PXDNL: variants seen among roughly 807,000 people sequenced by gnomAD.
The protein encoded by PXDNL is peroxidasin like.
In PXDNL, 145 loss-of-function variants were observed where a neutral mutation model predicts 150.8. The ratio of observed to expected loss-of-function variants is 0.96; its 90% confidence interval spans 0.84 to 1.10. The LOEUF is 1.10. Among genes scored for constraint, PXDNL ranks in the 50% least tolerant of loss-of-function variants. The pLI, the probability that PXDNL is intolerant of heterozygous loss-of-function variation, is 0.00. For missense variants in PXDNL, 2,087 were observed against 1,873.9 expected (o/e 1.11, Z -2.10); for synonymous variants, 757 against 725.7 (o/e 1.04, Z -0.69).
At chr8:51,507,925 G>T (rs559973056) in intron 4 of PXDNL, among the ~76,000 whole-genome samples, 2 of 152,290 alleles carry the variant, frequency 1.3e-5, no homozygotes, top group East Asian at 3.9e-4. Flanking sequence ...TTTTCTGAGC[G>T]GGAAGGAGTG....
chr8:51,474,548 G>A (rs988241909), intron 7 of PXDNL, among the ~76,000 whole-genome samples: 9 of 152,082 alleles, frequency 5.9e-5, no homozygotes, highest in African/African-American at 1.9e-4. Context: ...ATCAATTACT[G>A]AATTTGTTGA....
intron 18 of PXDNL, among the ~76,000 whole-genome samples, chr8:51,373,012 G>T (rs1807173896): frequency 6.6e-6 from 1 of 152,178 alleles, no homozygotes; most frequent in African/African-American, 2.4e-5. Context: ...TAGGCAAAAA[G>T]ACTTCTTGCC....
At chr8:51,795,672 T>TA (rs1190228861) in intron 1 of PXDNL, among the ~76,000 whole-genome samples, 4 of 152,286 alleles carry the variant, frequency 2.6e-5, no homozygotes, top group African/African-American at 2.4e-5. Context: ...TTTATAGCAC[T>TA]AAATGCCCAA....
At position 51,457,777 on chromosome 8, in the gene PXDNL, T is replaced by C. The variant is rs1809969283; in HGVS notation, c.813-110A>G. 7 of 697,530 alleles carry C rather than the reference T, an allele frequency of 1.0e-5. No homozygotes were observed. In the South Asian group the frequency reaches 2.1e-4, roughly 21 times the overall value. 43.2% of individuals were successfully genotyped at this position (697,530 alleles called of 1,614,324 possible). A position where few individuals can be genotyped will look rare whatever the true frequency, so the allele number is the denominator to read the frequency against. ...AGCTATGTTTCATGTCTACCAAATT[T>C]GTTAAATTTATTTTATCTGAATAAT... is the stretch of plus-strand genomic sequence containing the variant. On this transcript the variant is annotated intron_variant, in intron 8 of 22. Coordinates refer to ENST00000356297, the MANE Select transcript of PXDNL (RefSeq NM_144651.5).
At chr8:51,704,776 T>A (rs1002011646) in intron 1 of PXDNL, among the ~76,000 whole-genome samples, 2 of 152,232 alleles carry the variant, frequency 1.3e-5, no homozygotes, top group African/African-American at 2.4e-5. Context: ...ATGAATGTGA[T>A]CACTTACATA....
At chr8:51,730,429 T>C (rs1816896597) in intron 1 of PXDNL, among the ~76,000 whole-genome samples, 1 of 152,236 alleles carries the variant, frequency 6.6e-6, no homozygotes, top group Non-Finnish European at 1.5e-5. Flanking sequence ...GTCATCAAAC[T>C]ATAAGCCTTA....
intron 1 of PXDNL, among the ~76,000 whole-genome samples, chr8:51,789,176 T>C (rs923869809): frequency 6.6e-6 from 1 of 151,860 alleles, no homozygotes; most frequent in African/African-American, 2.4e-5. Context: ...GGCCTATAGT[T>C]TTCTCTCCTC....
intron 4 of PXDNL, among the ~76,000 whole-genome samples, chr8:51,548,748 C>A (rs1812418038): frequency 6.6e-6 from 1 of 152,032 alleles, no homozygotes. Context: ...CTCATAGGAC[C>A]TATAAAACAT....
In PXDNL at chr8:51,407,300, GC is replaced by G. The variant is rs779946918; in HGVS notation, c.3557+766del. Reference sequence around the variant, plus strand: ...TATAGCCTTAGTTTTGCAAAGAAAGGCCTAATCTTGACAATTGGCTATAGAA... The same window carrying G: ...TATAGCCTTAGTTTTGCAAAGAAAGGCTAATCTTGACAATTGGCTATAGAA... On this transcript the variant is annotated intron_variant, in intron 17 of 22. Coordinates refer to ENST00000356297, the MANE Select transcript of PXDNL (RefSeq NM_144651.5). 8.7e-4 allele frequency among the ~76,000 whole-genome samples: 132 copies of G among 152,160 alleles called. 1 individual carries two copies. The Middle Eastern group carries it at 0.014, about 16-fold the overall frequency.
In PXDNL at chr8:51,736,295, T is replaced by A. The variant is rs922116530; in HGVS notation, c.164+72886A>T. Among the ~76,000 whole-genome samples the A allele has an allele frequency of 2.0e-5, 3 of 152,160 alleles. No homozygotes were observed. In the South Asian group the frequency reaches 6.2e-4, roughly 32 times the overall value. On this transcript the variant is annotated intron_variant, in intron 1 of 22. Transcript: ENST00000356297. ...CATAGACCTAAGACAGAAAATAAAT[T>A]TTTTATGTGAGGAATGTGAACCTCT...
At chr8:51,387,726 G>A (rs776084757) in intron 17 of PXDNL, among the ~76,000 whole-genome samples, 19 of 151,974 alleles carry the variant, frequency 1.3e-4, no homozygotes, top group African/African-American at 4.4e-4. Flanking sequence ...TTTCAAAACC[G>A]CTAAAAATGT....
intron 4 of PXDNL, among the ~76,000 whole-genome samples, chr8:51,515,129 C>G (rs1038670100): frequency 3.7e-4 from 56 of 152,168 alleles, no homozygotes; most frequent in Admixed American, 2.9e-3. Flanking sequence ...AGTGTTGAAG[C>G]CCCCAGGTGG....
intron 1 of PXDNL, among the ~76,000 whole-genome samples, chr8:51,780,301 A>G (rs147650238): frequency 6.6e-6 from 1 of 152,294 alleles, no homozygotes; most frequent in African/African-American, 2.4e-5. Flanking sequence ...TGCACAATAA[A>G]GTTTGAGGGA....
At chr8:51,762,454 G>T (rs930626836) in intron 1 of PXDNL, among the ~76,000 whole-genome samples, 1 of 152,116 alleles carries the variant, frequency 6.6e-6, no homozygotes, top group African/African-American at 2.4e-5. Flanking sequence ...ACAACCTGCT[G>T]CTCTCTCTGA....
chr8:51,623,987 G>T (rs1273689798), intron 2 of PXDNL, among the ~76,000 whole-genome samples: 1 of 150,536 alleles, frequency 6.6e-6, no homozygotes, highest in African/African-American at 2.4e-5. Flanking sequence ...CAGCTACTTG[G>T]GAAGCTGAGG....
intron 3 of PXDNL, among the ~76,000 whole-genome samples, chr8:51,590,725 GT>G (rs138678908): frequency 2.6e-5 from 4 of 151,182 alleles, no homozygotes; most frequent in Non-Finnish European, 4.4e-5. Flanking sequence ...TAGATATCTT[GT>G]TTTTTTTTAT....
intron 17 of PXDNL, among the ~76,000 whole-genome samples, chr8:51,398,995 G>GAT (rs555185814): frequency 4.6e-4 from 70 of 152,212 alleles, no homozygotes; most frequent in Admixed American, 3.1e-3. Flanking sequence ...AATTTCACTT[G>GAT]ATATATATAA....
In PXDNL at chr8:51,669,137, C is replaced by T. The variant is rs145057482; in HGVS notation, c.165-14377G>A. 2.0e-5 allele frequency among the ~76,000 whole-genome samples: 3 copies of T among 152,218 alleles called. No homozygotes were observed. In the East Asian group the frequency reaches 5.8e-4, roughly 29 times the overall value. On this transcript the variant is annotated intron_variant, in intron 1 of 22. Coordinates refer to ENST00000356297, the MANE Select transcript of PXDNL (RefSeq NM_144651.5). ...TATTTTCTTTCAGGTGAACTAAAAACAATTATTTCAACATTATGCTGAAAG... is the reference window on the plus strand; with the variant it reads ...TATTTTCTTTCAGGTGAACTAAAAATAATTATTTCAACATTATGCTGAAAG...
At chr8:51,616,064 C>T (rs1814123588) in intron 2 of PXDNL, among the ~76,000 whole-genome samples, 1 of 152,180 alleles carries the variant, frequency 6.6e-6, no homozygotes. Context: ...AACTGACATA[C>T]AAAAGTATCT....
Sources: allele counts gnomAD v4.1 joint callset (sites outside exome capture counted in the v4.1 genomes callset), GRCh38; gene constraint gnomAD v4.1.1; transcripts MANE v1.5; gene names NCBI Gene and HGNC (gene_info 2026-07-23, HGNC 2026-07-21).